The following PADI2 variants were observed in gnomAD, a reference collection of about 807,000 sequenced individuals.
The protein encoded by PADI2 is protein-arginine deiminase type-2.
A neutral mutation model predicts 81.1 loss-of-function variants in PADI2; 70 were observed. The ratio of observed to expected loss-of-function variants is 0.86; its 90% CI spans 0.71 to 1.05. PADI2 has a LOEUF of 1.05. Among genes scored for constraint, PADI2 ranks in the 50% least tolerant of loss-of-function variants. The pLI, the probability that PADI2 is intolerant of heterozygous loss-of-function variation, is 0.00. For synonymous variants in PADI2, 338 were observed against 358.0 expected (o/e 0.94, Z 0.63); for missense variants, 853 against 889.9 (o/e 0.96, Z 0.53).
At chr1:17,076,106 G>T (rs2078300518) in intron 11 of PADI2, among the ~76,000 whole-genome samples, 1 of 152,228 alleles carries the variant, frequency 6.6e-6, no homozygotes, top group Non-Finnish European at 1.5e-5. Context: ...GCTACCTTTT[G>T]TGTGCGGGAG....
chr1:17,071,726 C>T (rs1044278316), intron 13 of PADI2, among the ~76,000 whole-genome samples: 2 of 152,204 alleles, frequency 1.3e-5, no homozygotes, highest in African/African-American at 4.8e-5. Flanking sequence ...TGAGCCAGGA[C>T]AGTGGTGGCA....
chr1:17,084,458 T>C, intron 8 of PADI2, 141 bp downstream of exon 8: 1 of 580,662 alleles, frequency 1.7e-6, no homozygotes, highest in South Asian at 2.1e-5. Flanking sequence ...CTCTACGATG[T>C]GGGCATTTCA....
At chr1:17,075,243 GT>G in intron 12 of PADI2, 1 of 399,458 alleles carries the variant, frequency 2.5e-6, no homozygotes, top group South Asian at 3.3e-5. Context: ...AGGGTATGAA[GT>G]TGTACCCATA....
In PADI2 at chr1:17,068,859, G is replaced by GA. The variant is rs1164656916; in HGVS notation, c.*184dup. 6.6e-6 allele frequency: 4 copies of GA among 606,460 alleles called. No homozygotes were observed. The highest frequency in any genetic ancestry group is 5.6e-5 in the African/African-American group (3 of 53,966). The allele number at this position is 606,460 out of a possible 1,614,324, so 37.6% of individuals were successfully genotyped here. On this transcript the variant is annotated 3_prime_UTR_variant, in exon 16 of 16. Transcript: ENST00000375486. ...AGGGACAGAGTCGAGGCTCACTGGGGATGGCTTCAGAGGACACTGAGGCCC... is the reference window on the plus strand; with the variant it reads ...AGGGACAGAGTCGAGGCTCACTGGGGAATGGCTTCAGAGGACACTGAGGCCC...
At chr1:17,074,034 T>C (rs1156608971) in intron 13 of PADI2, among the ~76,000 whole-genome samples, 1 of 152,232 alleles carries the variant, frequency 6.6e-6, no homozygotes, top group Non-Finnish European at 1.5e-5. Flanking sequence ...TCTATCTCTC[T>C]TTCTAAAATA....
intron 9 of PADI2, 41 bp from the exon 10 acceptor site, chr1:17,082,693 G>T: frequency 8.1e-7 from 1 of 1,227,558 alleles, no homozygotes; most frequent in Non-Finnish European, 1.2e-6. Flanking sequence ...GAATCCAGGG[G>T]ACAATTTGTG....
intron 3 of PADI2, among the ~76,000 whole-genome samples, chr1:17,096,852 GC>G (rs1323091241): frequency 1.3e-5 from 2 of 152,224 alleles, no homozygotes; most frequent in East Asian, 3.8e-4. Flanking sequence ...TGCATTAGCT[GC>G]AATGGAAGGC....
At chr1:17,082,139 A>T (rs926723730) in intron 10 of PADI2, among the ~76,000 whole-genome samples, 1 of 152,084 alleles carries the variant, frequency 6.6e-6, no homozygotes, top group Non-Finnish European at 1.5e-5. Context: ...CACACGCACC[A>T]AAAACCATAG....
In PADI2 at chr1:17,092,499, G is replaced by A; in HGVS notation, c.564C>T (p.Thr188=). 1 of 1,605,090 alleles carries A rather than the reference G, an allele frequency of 6.2e-7. No homozygotes were observed. Among genetic ancestry groups the A allele is most frequent in the East Asian group, 2.3e-5 (1 of 44,354 alleles). The part of the protein sequence containing the change: ...LKDMSQMILR[T]KGPDRLPAGY... ...CGGCGGGGAGGCGGTCGGGGCCTTT[G>A]GTCCGCAGGATCATCTGGGACATGT... Residue 188 remains threonine (T), a synonymous_variant, in exon 6 of 16, where the codon ACC becomes ACT. Coordinates refer to ENST00000375486, the MANE Select transcript of PADI2 (RefSeq NM_007365.3).
At chr1:17,092,857 G>A (rs1930751674) in intron 5 of PADI2, among the ~76,000 whole-genome samples, 1 of 150,722 alleles carries the variant, frequency 6.6e-6, no homozygotes. Context: ...GCTGAGGCAG[G>A]AGGATGGCTT....
chr1:17,092,948 C>CAAAAAA (rs1175202023), intron 5 of PADI2, among the ~76,000 whole-genome samples: 1 of 60,112 alleles, frequency 1.7e-5, no homozygotes, highest in Non-Finnish European at 3.9e-5. Flanking sequence ...GGCCTTGTCT[C>CAAAAAA]AAAAAAAAAA....
intron 11 of PADI2, 82 bp downstream of exon 11, chr1:17,079,182 G>C (rs1349173179): frequency 7.9e-7 from 1 of 1,273,500 alleles, no homozygotes; most frequent in South Asian, 1.4e-5. Flanking sequence ...TGCTCCATGT[G>C]TGAGCAACCC....
rs184297816 is a variant in PADI2, at chr1:17,103,046, T to C, written c.290A>G (p.Tyr97Cys). The C allele has an allele frequency of 1.5e-4, 239 of 1,612,580 alleles. No individual in the cohort carries two copies. Among genetic ancestry groups the C allele is most frequent in the Middle Eastern group, 6.6e-4 (4 of 6,062 alleles). The change falls in exon 3 of 16, where the codon TAC becomes TGC. Residue 97 changes from tyrosine to cysteine, a missense_variant. Tyr to Cys is a radical substitution (Grantham distance 194). Coordinates refer to ENST00000375486, the MANE Select transcript of PADI2 (RefSeq NM_007365.3). ...GGGAATGCTCCCTTCCTCGTCATAG[T>C]AGTTGACGGTGACCTTGGTGGGGAG... ...EASSDKVTVN[Y>C]YDEEGSIPID...
chr1:17,087,995 C>A (rs970801724), intron 6 of PADI2, among the ~76,000 whole-genome samples: 2 of 152,206 alleles, frequency 1.3e-5, no homozygotes, highest in Non-Finnish European at 2.9e-5. Flanking sequence ...ATGAATCAGG[C>A]AAGGACCTTC....
chr1:17,089,816 G>T (rs1271924074), intron 6 of PADI2, among the ~76,000 whole-genome samples: 3 of 152,096 alleles, frequency 2.0e-5, no homozygotes, highest in East Asian at 3.9e-4. Context: ...CGTGCCTTGG[G>T]CTGGGCCCAC....
chr1:17,084,171 G>A (rs1460670587), intron 8 of PADI2, among the ~76,000 whole-genome samples: 6 of 152,196 alleles, frequency 3.9e-5, no homozygotes, highest in Admixed American at 2.6e-4. Flanking sequence ...GGACCCCAAG[G>A]GTCCCTTTTG....
At chr1:17,105,580 G>C (rs1931342837) in intron 1 of PADI2, among the ~76,000 whole-genome samples, 1 of 152,126 alleles carries the variant, frequency 6.6e-6, no homozygotes, top group Admixed American at 6.5e-5. Flanking sequence ...TTTTAGTAGA[G>C]ATGGGGTTTC....
intron 3 of PADI2, among the ~76,000 whole-genome samples, chr1:17,100,942 G>C (rs1931121371): frequency 6.6e-6 from 1 of 152,104 alleles, no homozygotes; most frequent in South Asian, 2.1e-4. Context: ...TTACAGGCGT[G>C]AGACACCGCG....
chr1:17,093,131 T>A (rs1435466472), intron 5 of PADI2, among the ~76,000 whole-genome samples: 1 of 151,726 alleles, frequency 6.6e-6, no homozygotes, highest in Admixed American at 6.6e-5. Flanking sequence ...AGTCTTGCTC[T>A]GTTGCCCAGG....
Sources: allele counts gnomAD v4.1 joint callset (sites outside exome capture counted in the v4.1 genomes callset), GRCh38; gene constraint gnomAD v4.1.1; transcripts MANE v1.5; gene names NCBI Gene and HGNC (gene_info 2026-07-23, HGNC 2026-07-21).